The following CADM2 variants were observed in gnomAD, a reference collection of about 807,000 sequenced individuals.
The protein encoded by CADM2 is immunoglobulin superfamily member 4D.
Under a neutral mutation model 49.8 loss-of-function variants are expected in CADM2, and 12 were observed. The ratio of observed to expected loss-of-function variants is 0.24; its 90% CI spans 0.15 to 0.39. The LOEUF (loss-of-function observed/expected upper bound fraction) is 0.39. CADM2 is among the 10% of genes least tolerant of loss of function. CADM2 has a pLI of 1.00. For synonymous variants in CADM2, 214 were observed against 175.4 expected, an observed-to-expected ratio of 1.22 and a Z score of -1.74; for missense variants, 378 against 492.3, an observed-to-expected ratio of 0.77 and a Z score of 2.20.
At chr3:85,087,942 C>T (rs971942686) in intron 1 of CADM2, among the ~76,000 whole-genome samples, 1 of 152,214 alleles carries the variant, frequency 6.6e-6, no homozygotes, top group Non-Finnish European at 1.5e-5. Flanking sequence ...ACTGTTAATG[C>T]CTGTTTGGCT....
At chr3:85,431,711 G>A (rs2036673878) in intron 1 of CADM2, among the ~76,000 whole-genome samples, 1 of 151,042 alleles carries the variant, frequency 6.6e-6, no homozygotes, top group Non-Finnish European at 1.5e-5. Context: ...AGGAAGTTAA[G>A]TTTGTTTGCT....
intron 1 of CADM2, among the ~76,000 whole-genome samples, chr3:85,719,378 A>C (rs971737942): frequency 2.0e-5 from 3 of 152,170 alleles, no homozygotes; most frequent in Non-Finnish European, 4.4e-5. Flanking sequence ...CTGACTCCCC[A>C]CCACAGTCAA....
intron 1 of CADM2, among the ~76,000 whole-genome samples, chr3:85,226,985 A>G (rs964528115): frequency 6.6e-6 from 1 of 152,068 alleles, no homozygotes; most frequent in African/African-American, 2.4e-5. Flanking sequence ...ACTGTGGTCT[A>G]AGAGATGGTT....
chr3:85,706,186 T>TACATCA (rs2066944234), intron 1 of CADM2, among the ~76,000 whole-genome samples: 1 of 152,208 alleles, frequency 6.6e-6, no homozygotes, highest in East Asian at 1.9e-4. Context: ...TTGATGTTTT[T>TACATCA]GAACAAAGTG....
chr3:85,363,865 C>G (rs1218588759), intron 1 of CADM2, among the ~76,000 whole-genome samples: 2 of 152,166 alleles, frequency 1.3e-5, no homozygotes, highest in African/African-American at 4.8e-5. Flanking sequence ...CCCGCCTCGG[C>G]CTCCTAAAGT....
chr3:85,658,578 A>ATGTG (rs1559575291), intron 1 of CADM2, among the ~76,000 whole-genome samples: 1 of 41,452 alleles, frequency 2.4e-5, no homozygotes, highest in Non-Finnish European at 4.7e-5. Context: ...ATATATGTGT[A>ATGTG]TATATATATA....
Position 85,567,705 on chromosome 3 carries a change from A to G in CADM2, c.62-158817A>G, listed in dbSNP as rs950098330. On this transcript the variant is annotated intron_variant, in intron 1 of 9. Coordinates refer to ENST00000383699, the MANE Select transcript of CADM2 (RefSeq NM_001167675.2). ...AGGCAATTTTTAGGAAAATTGGCTC[A>G]CACAATTATGGAGGCTTAAGAAGTC... Among the ~76,000 whole-genome samples, 3 of 152,172 alleles carry G rather than the reference A, an allele frequency of 2.0e-5. No homozygotes were observed. The South Asian group carries it at 6.2e-4, about 31-fold the overall frequency.
chr3:85,013,099 T>A (rs1316881900), intron 1 of CADM2, among the ~76,000 whole-genome samples: 1 of 150,544 alleles, frequency 6.6e-6, no homozygotes, highest in Admixed American at 6.6e-5. Context: ...TTTCATTTGA[T>A]GATATGACCC....
At chr3:85,095,676 G>T (rs559478160) in intron 1 of CADM2, among the ~76,000 whole-genome samples, 1 of 151,986 alleles carries the variant, frequency 6.6e-6, no homozygotes. Flanking sequence ...GGCTTCTTTG[G>T]CCCAAACATT....
At chr3:86,017,981 C>T (rs1186603717) in intron 8 of CADM2, among the ~76,000 whole-genome samples, 1 of 134,918 alleles carries the variant, frequency 7.4e-6, no homozygotes, top group Non-Finnish European at 1.6e-5. Flanking sequence ...CACCCACTAA[C>T]TCGTCATCTA....
chr3:86,039,973 G>T (rs55982437), intron 8 of CADM2, among the ~76,000 whole-genome samples: 3,128 of 152,214 alleles, frequency 0.021, 89 homozygotes, highest in African/African-American at 0.062. Context: ...AGGCAAACAG[G>T]GTCTGGAGTG....
chr3:85,684,096 CAAAT>C (rs998324324), intron 1 of CADM2, among the ~76,000 whole-genome samples: 3 of 152,134 alleles, frequency 2.0e-5, no homozygotes, highest in Admixed American at 2.0e-4. Context: ...AACAAGAAAA[CAAAT>C]GAAGCTCACA....
intron 1 of CADM2, among the ~76,000 whole-genome samples, chr3:85,614,599 T>C (rs918338592): frequency 6.6e-6 from 1 of 151,918 alleles, no homozygotes; most frequent in Non-Finnish European, 1.5e-5. Context: ...ATTTGTGTGC[T>C]CTTTACCTCG....
rs2038606309 is a variant in CADM2, at chr3:85,115,431, T to G, written c.61+155763T>G. On this transcript the variant is annotated intron_variant, in intron 1 of 9. Transcript: ENST00000383699. ...TATTATTTATAAAGCAAGTATGAGATGGGAGTATAGATGTGAGTATATTTT... is the reference window on the plus strand; with the variant it reads ...TATTATTTATAAAGCAAGTATGAGAGGGGAGTATAGATGTGAGTATATTTT... Among the ~76,000 whole-genome samples, 4 of 152,192 alleles carry G rather than the reference T, an allele frequency of 2.6e-5. No individual in the cohort carries two copies. In the South Asian group the frequency reaches 8.3e-4, roughly 31 times the overall value.
At chr3:85,424,655 C>T (rs1020798356) in intron 1 of CADM2, among the ~76,000 whole-genome samples, 1 of 152,086 alleles carries the variant, frequency 6.6e-6, no homozygotes, top group African/African-American at 2.4e-5. Flanking sequence ...CTAATTACAA[C>T]AAAAATGTCT....
intron 8 of CADM2, among the ~76,000 whole-genome samples, chr3:85,971,364 C>G (rs1021297433): frequency 5.3e-5 from 8 of 151,494 alleles, no homozygotes; most frequent in African/African-American, 1.9e-4. Context: ...ATGACCAAGC[C>G]GAAAGTCTTC....
chr3:85,054,336 G>A (rs1372432935), intron 1 of CADM2, among the ~76,000 whole-genome samples: 1 of 151,798 alleles, frequency 6.6e-6, no homozygotes, highest in African/African-American at 2.4e-5. Flanking sequence ...AAATGGAAAG[G>A]AGGAAAAATA....
intron 4 of CADM2, 109 bp from the exon 5 acceptor site, chr3:85,886,081 C>G (rs1271116141): frequency 6.7e-7 from 1 of 1,499,314 alleles, no homozygotes; most frequent in Non-Finnish European, 9.0e-7. Flanking sequence ...CTTGATCGAA[C>G]TTCTTGTCAA....
At chr3:85,715,700 C>G (rs1199087788) in intron 1 of CADM2, among the ~76,000 whole-genome samples, 2 of 152,154 alleles carry the variant, frequency 1.3e-5, no homozygotes, top group African/African-American at 4.8e-5. Flanking sequence ...GTTCGCCTCT[C>G]TGTGCCCATA....
Sources: gnomAD v4.1 joint callset for allele counts (sites outside exome capture counted in the v4.1 genomes callset) on GRCh38, gnomAD v4.1.1 for gene constraint, MANE v1.5 for transcripts, NCBI Gene and HGNC (gene_info 2026-07-23, HGNC 2026-07-21) for gene names.